NGEF: variants seen among roughly 807,000 people sequenced by gnomAD.
NGEF encodes the protein neuronal guanine nucleotide exchange factor.
NGEF carries 31 observed loss-of-function variants against 80.9 expected under a neutral mutation model. The ratio of observed to expected loss-of-function variants is 0.38; its 90% CI spans 0.29 to 0.52. NGEF has a LOEUF of 0.52. Among genes scored for constraint, NGEF ranks in the 20% least tolerant of loss-of-function variants. The pLI is 0.84. For synonymous variants in NGEF, 371 were observed against 370.2 expected, an observed-to-expected ratio of 1.00 and a Z score of -0.03; for missense variants, 709 against 926.2, an observed-to-expected ratio of 0.77 and a Z score of 3.04.
chr2:232,954,618 G>A (rs1693757945), intron 3 of NGEF, among the ~76,000 whole-genome samples: 1 of 151,982 alleles, frequency 6.6e-6, no homozygotes. Flanking sequence ...CCAGCTACTC[G>A]GGAGGCTGAG....
At chr2:232,993,852 C>T (rs1420316756) in intron 1 of NGEF, among the ~76,000 whole-genome samples, 1 of 152,078 alleles carries the variant, frequency 6.6e-6, no homozygotes, top group Non-Finnish European at 1.5e-5. Context: ...TTATATGAAA[C>T]GTCCAGAACC....
intron 1 of NGEF, among the ~76,000 whole-genome samples, chr2:232,978,916 C>T (rs568611154): frequency 5.9e-5 from 9 of 152,194 alleles, no homozygotes; most frequent in Non-Finnish European, 1.3e-4. Flanking sequence ...ATGGGTTTTG[C>T]CATGCTGCCC....
At chr2:232,999,859 A>G (rs1694932266) in intron 1 of NGEF, among the ~76,000 whole-genome samples, 1 of 152,220 alleles carries the variant, frequency 6.6e-6, no homozygotes, top group Admixed American at 6.5e-5. Flanking sequence ...GGTCATTTGC[A>G]TGTCGGGGTT....
chr2:232,995,022 T>TACTGTATATATGTACAGTATGTAC lies in NGEF; in HGVS notation c.-75+18045_-75+18046insGTACATACTGTACATATATACAGT, dbSNP rs1559239221. 1.6e-3 allele frequency among the ~76,000 whole-genome samples: 211 copies of TACTGTATATATGTACAGTATGTAC among 135,596 alleles called. 79 individuals carry two copies. Among genetic ancestry groups the TACTGTATATATGTACAGTATGTAC allele is most frequent in the Middle Eastern group, 8.4e-3 (2 of 238 alleles). 89.0% of individuals were successfully genotyped at this position (135,596 alleles called of 152,430 possible). On this transcript the variant is annotated intron_variant, in intron 1 of 14. Coordinates refer to ENST00000264051, the MANE Select transcript of NGEF (RefSeq NM_019850.3). ...CATATATGTATAATACATATATGTA[T>TACTGTATATATGTACAGTATGTAC]ACTGTATATATGTACAGTATGTATA...
intron 1 of NGEF, among the ~76,000 whole-genome samples, chr2:232,980,355 G>T (rs1182013070): frequency 6.6e-6 from 1 of 152,152 alleles, no homozygotes; most frequent in African/African-American, 2.4e-5. Context: ...AAGGCACAGG[G>T]CATGTGGGGA....
Position 232,939,624 on chromosome 2 carries a change from A to G in NGEF, c.384-12438T>C, listed in dbSNP as rs552291808. Among the ~76,000 whole-genome samples the G allele has an allele frequency of 2.6e-5, 4 of 152,356 alleles. No individual in the cohort carries two copies. The South Asian group carries it at 8.3e-4, about 32-fold the overall frequency. On this transcript the variant is annotated intron_variant, in intron 3 of 14. Transcript: ENST00000264051. ...GTAATATGAAAACTTTACATTACCT[A>G]TTGAAACAGAAACAACTACCTCACC... is the stretch of plus-strand genomic sequence containing the variant.
intron 5 of NGEF, among the ~76,000 whole-genome samples, chr2:232,907,732 A>C (rs1310352384): frequency 6.6e-6 from 1 of 152,238 alleles, no homozygotes; most frequent in Non-Finnish European, 1.5e-5. Flanking sequence ...AGTATAGATG[A>C]AATGTTCTAT....
intron 3 of NGEF, chr2:232,928,029 C>A: frequency 1.2e-6 from 1 of 815,004 alleles, no homozygotes; most frequent in Non-Finnish European, 1.5e-6. Flanking sequence ...GTGCGGGGGC[C>A]GGGTCGGGGG....
At chr2:232,945,668 T>G (rs1232862890) in intron 3 of NGEF, among the ~76,000 whole-genome samples, 2 of 149,802 alleles carry the variant, frequency 1.3e-5, no homozygotes, top group East Asian at 3.9e-4. Context: ...ATGTCTTGCT[T>G]TGGCACTTCT....
At chr2:232,992,476 CA>C (rs1376481661) in intron 1 of NGEF, among the ~76,000 whole-genome samples, 1 of 151,980 alleles carries the variant, frequency 6.6e-6, no homozygotes, top group African/African-American at 2.4e-5. Context: ...GAGGATCACT[CA>C]AGCCTGGGAG....
chr2:232,933,102 T>C (rs1346307834), intron 3 of NGEF, among the ~76,000 whole-genome samples: 1 of 133,986 alleles, frequency 7.5e-6, no homozygotes, highest in Non-Finnish European at 1.6e-5. Flanking sequence ...AGAGTGAAAC[T>C]CCATCTCAAA....
chr2:233,006,410 C>A lies in NGEF; in HGVS notation c.-75+6658G>T, dbSNP rs577005861. Reference sequence around the variant, plus strand: ...TTTGGGGGTTGTAGAGGCTTCTGGGCTGATGACAGGTAAGCTTGAATGGCA... The same window carrying A: ...TTTGGGGGTTGTAGAGGCTTCTGGGATGATGACAGGTAAGCTTGAATGGCA... On this transcript the variant is annotated intron_variant, in intron 1 of 14. Coordinates refer to ENST00000264051, the MANE Select transcript of NGEF (RefSeq NM_019850.3). Among the ~76,000 whole-genome samples, 63 of 152,222 alleles carry A rather than the reference C, an allele frequency of 4.1e-4. No homozygotes were observed. The South Asian group carries it at 0.013, about 31-fold the overall frequency.
At chr2:232,937,490 A>C (rs900760298) in intron 3 of NGEF, among the ~76,000 whole-genome samples, 5 of 152,212 alleles carry the variant, frequency 3.3e-5, no homozygotes, top group African/African-American at 1.2e-4. Flanking sequence ...GGCCGCCCAG[A>C]TGAAAGCTGA....
In NGEF at chr2:232,968,093, C is replaced by CTTTTTTTTTTTTTTTTTTTTT. The variant is rs1274944227; in HGVS notation, c.383+2120_383+2121insAAAAAAAAAAAAAAAAAAAAA. Reference sequence around the variant, plus strand: ...TTGCTGAGGGCAGAAACAGACCTGGCTTTTTTTTTTTTGAGACAAAGTTTC... The same window carrying CTTTTTTTTTTTTTTTTTTTTT: ...TTGCTGAGGGCAGAAACAGACCTGGCTTTTTTTTTTTTTTTTTTTTTTTTTTTTTTTTTGAGACAAAGTTTC... On this transcript the variant is annotated intron_variant, in intron 3 of 14. Transcript: ENST00000264051. Among the ~76,000 whole-genome samples, 614 of 125,564 alleles carry CTTTTTTTTTTTTTTTTTTTTT rather than the reference C, an allele frequency of 4.9e-3. 54 individuals carry two copies. The highest frequency in any genetic ancestry group is 0.013 in the African/African-American group (396 of 29,542). 82.4% of individuals were successfully genotyped at this position (125,564 alleles called of 152,430 possible).
chr2:232,994,337 T>G (rs1694732957), intron 1 of NGEF, among the ~76,000 whole-genome samples: 1 of 147,666 alleles, frequency 6.8e-6, no homozygotes, highest in African/African-American at 2.5e-5. Context: ...ACCACCCCAC[T>G]TCAGCCTGGG....
rs184107493 is a variant in NGEF, at chr2:232,883,170, C to T, written c.1757+141G>A. ...TCCATAGAAAGTATTGGCGCAGGGT[C>T]TGGACGGGAAGGATGGGCAGGTCGG... is the stretch of plus-strand genomic sequence containing the variant. On this transcript the variant is annotated intron_variant, in intron 12 of 14. Coordinates refer to ENST00000264051, the MANE Select transcript of NGEF (RefSeq NM_019850.3). The T allele has an allele frequency of 1.0e-3, 1,101 of 1,054,540 alleles. 1 individual carries two copies. Among genetic ancestry groups the T allele is most frequent in the Non-Finnish European group, 1.4e-3 (1,013 of 743,650 alleles). 65.3% of individuals were successfully genotyped at this position (1,054,540 alleles called of 1,614,324 possible).
chr2:232,883,073 A>G lies in NGEF; in HGVS notation c.1757+238T>C, dbSNP rs57458720. 2.5e-3 allele frequency among the ~76,000 whole-genome samples: 326 copies of G among 132,016 alleles called. 1 individual carries two copies. Among genetic ancestry groups the G allele is most frequent in the African/African-American group, 9.0e-3 (311 of 34,392 alleles). 86.6% of individuals were successfully genotyped at this position (132,016 alleles called of 152,430 possible). A position where few individuals can be genotyped will look rare whatever the true frequency, so the allele number is the denominator to read the frequency against. On this transcript the variant is annotated intron_variant, in intron 12 of 14. Coordinates refer to ENST00000264051, the MANE Select transcript of NGEF (RefSeq NM_019850.3). ...AGGGAACACACACACACACACACACACACACACACGCACACACGCACACAC... is the reference window on the plus strand; with the variant it reads ...AGGGAACACACACACACACACACACGCACACACACGCACACACGCACACAC...
At chr2:232,991,819 T>C (rs1259256942) in intron 1 of NGEF, among the ~76,000 whole-genome samples, 3 of 152,178 alleles carry the variant, frequency 2.0e-5, no homozygotes, top group African/African-American at 7.2e-5. Context: ...CACTTCCTGA[T>C]TTAAAAACCT....
intron 9 of NGEF, 146 bp from the exon 10 acceptor site, chr2:232,885,515 C>T (rs1472135504): frequency 3.4e-5 from 22 of 647,574 alleles, no homozygotes; most frequent in Admixed American, 1.1e-4. Context: ...CAGTCTCAGT[C>T]GGACTGGAGC....
Sources: gnomAD v4.1 joint callset for allele counts (sites outside exome capture counted in the v4.1 genomes callset) on GRCh38, gnomAD v4.1.1 for gene constraint, MANE v1.5 for transcripts, NCBI Gene and HGNC (gene_info 2026-07-23, HGNC 2026-07-21) for gene names.